The following GPATCH2 variants were observed in gnomAD, a reference collection of about 807,000 sequenced individuals.
The protein encoded by GPATCH2 is G-patch domain containing 2, also known as G patch domain-containing protein 2.
GPATCH2 carries 51 observed loss-of-function variants against 58.0 expected under a neutral mutation model. The observed-to-expected ratio is 0.88, with a 90% confidence interval of 0.70 to 1.11. GPATCH2 has a LOEUF of 1.11. Ranked by LOEUF, GPATCH2 falls within the 50% of genes most tolerant of loss-of-function variation. GPATCH2 has a pLI of 0.00. For missense variants in GPATCH2, 625 were observed against 652.2 expected, an observed-to-expected ratio of 0.96 and a Z score of 0.45; for synonymous variants, 222 against 218.5, an observed-to-expected ratio of 1.02 and a Z score of -0.14.
chr1:217,438,141 G>C (rs1490989061), intron 9 of GPATCH2, among the ~76,000 whole-genome samples: 2 of 152,106 alleles, frequency 1.3e-5, no homozygotes, highest in Non-Finnish European at 2.9e-5. Context: ...TGCAGCAGAG[G>C]GACCTGTTAG....
At chr1:217,566,374 C>T (rs1332936352) in intron 5 of GPATCH2, among the ~76,000 whole-genome samples, 1 of 152,170 alleles carries the variant, frequency 6.6e-6, no homozygotes, top group Non-Finnish European at 1.5e-5. Context: ...GAAGGGTAAA[C>T]TCCTTAATCT....
intron 8 of GPATCH2, among the ~76,000 whole-genome samples, chr1:217,466,585 T>C (rs961326016): frequency 2.0e-5 from 3 of 152,030 alleles, no homozygotes; most frequent in Non-Finnish European, 1.5e-5. Context: ...GACTGTCTTA[T>C]AGATACGAAC....
At chr1:217,449,418 A>C (rs1659554990) in intron 8 of GPATCH2, 81 bp from the exon 9 acceptor site, 2 of 831,112 alleles carry the variant, frequency 2.4e-6, no homozygotes, top group African/African-American at 3.4e-5. Context: ...ATCTGAACCT[A>C]AATCAAAACG....
chr1:217,630,861 C>A, intron 1 of GPATCH2, 55 bp downstream of exon 1: 1 of 1,342,846 alleles, frequency 7.4e-7, no homozygotes. Flanking sequence ...GCGGAGCGGC[C>A]TCGGGCAATC....
At chr1:217,615,427 C>T (rs1025396785) in intron 2 of GPATCH2, among the ~76,000 whole-genome samples, 2 of 152,018 alleles carry the variant, frequency 1.3e-5, no homozygotes, top group African/African-American at 4.8e-5. Context: ...CTAAGAGCAT[C>T]ACAACCAAAT....
intron 5 of GPATCH2, among the ~76,000 whole-genome samples, chr1:217,566,101 C>CAAAAAAAAAAA (rs59608962): frequency 4.2e-5 from 2 of 47,242 alleles, no homozygotes; most frequent in African/African-American, 1.2e-4. Flanking sequence ...AACTCCGTCT[C>CAAAAAAAAAAA]AAAAAAAAAA....
At chr1:217,564,389 C>T (rs1666101639) in intron 5 of GPATCH2, among the ~76,000 whole-genome samples, 1 of 152,192 alleles carries the variant, frequency 6.6e-6, no homozygotes, top group Admixed American at 6.5e-5. Context: ...GGCAACACTA[C>T]TGTAGCAACA....
At chr1:217,523,038 T>C (rs1022804731) in intron 5 of GPATCH2, among the ~76,000 whole-genome samples, 2 of 151,882 alleles carry the variant, frequency 1.3e-5, no homozygotes, top group Non-Finnish European at 2.9e-5. Flanking sequence ...AAAATTTCTA[T>C]ATTATTGCTC....
chr1:217,620,849 C>T (rs937865525), intron 1 of GPATCH2, among the ~76,000 whole-genome samples: 2 of 152,178 alleles, frequency 1.3e-5, no homozygotes, highest in African/African-American at 4.8e-5. Flanking sequence ...AGTTTTCCTA[C>T]AGCAGATACA....
At chr1:217,444,671 A>T (rs1332229899) in intron 9 of GPATCH2, among the ~76,000 whole-genome samples, 3 of 152,204 alleles carry the variant, frequency 2.0e-5, no homozygotes, top group Admixed American at 6.5e-5. Flanking sequence ...GAAGAATTGC[A>T]TATATCCTAG....
At chr1:217,472,490 G>C (rs1280897744) in intron 8 of GPATCH2, among the ~76,000 whole-genome samples, 1 of 151,924 alleles carries the variant, frequency 6.6e-6, no homozygotes, top group African/African-American at 2.4e-5. Flanking sequence ...TTTTAATAGA[G>C]ACGGGGTTTC....
intron 5 of GPATCH2, among the ~76,000 whole-genome samples, chr1:217,517,833 A>T (rs1326514119): frequency 6.6e-6 from 1 of 152,134 alleles, no homozygotes; most frequent in East Asian, 1.9e-4. Flanking sequence ...TTCACATAGT[A>T]AAGTTTATTA....
At chr1:217,625,534 G>A (rs1385167262) in intron 1 of GPATCH2, among the ~76,000 whole-genome samples, 2 of 152,170 alleles carry the variant, frequency 1.3e-5, no homozygotes, top group East Asian at 3.9e-4. Flanking sequence ...GCTTTTTGAA[G>A]CCTCTGTTAC....
At chr1:217,472,948 G>A (rs772898525) in intron 8 of GPATCH2, among the ~76,000 whole-genome samples, 1 of 152,120 alleles carries the variant, frequency 6.6e-6, no homozygotes, top group African/African-American at 2.4e-5. Flanking sequence ...AGCACAGCAA[G>A]TTCTTTCACC....
At chr1:217,564,877 C>T (rs1020743339) in intron 5 of GPATCH2, among the ~76,000 whole-genome samples, 3 of 152,080 alleles carry the variant, frequency 2.0e-5, no homozygotes, top group Admixed American at 6.5e-5. Context: ...TTTTAGATAT[C>T]ATAGTCTAAA....
intron 5 of GPATCH2, among the ~76,000 whole-genome samples, chr1:217,587,183 T>C (rs1667379448): frequency 6.6e-6 from 1 of 152,172 alleles, no homozygotes; most frequent in African/African-American, 2.4e-5. Context: ...CCCAACAGCA[T>C]TTCCAAATGA....
At chr1:217,540,231 A>G (rs899309668) in intron 5 of GPATCH2, among the ~76,000 whole-genome samples, 1 of 152,140 alleles carries the variant, frequency 6.6e-6, no homozygotes, top group Non-Finnish European at 1.5e-5. Flanking sequence ...GAAAGGAAGG[A>G]GGGAGGGAGG....
In GPATCH2 at chr1:217,598,446, A is replaced by AT. The variant is rs1177024137; in HGVS notation, c.1098+11874_1098+11875insA. On this transcript the variant is annotated intron_variant, in intron 5 of 9. Coordinates refer to ENST00000366935, the MANE Select transcript of GPATCH2 (RefSeq NM_018040.5). ...TACCCGGTAAATAACCATCAACATT[A>AT]AAAAAAATTTTTTTTTTTTTGAGAC... Among the ~76,000 whole-genome samples, 15 of 113,928 alleles carry AT rather than the reference A, an allele frequency of 1.3e-4. 1 individual carries two copies. The highest frequency in any genetic ancestry group is 4.2e-4 in the African/African-American group (15 of 35,320). The allele number at this position is 113,928 out of a possible 152,430, so 74.7% of individuals were successfully genotyped here. A position where few individuals can be genotyped will look rare whatever the true frequency, so the allele number is the denominator to read the frequency against.
intron 1 of GPATCH2, among the ~76,000 whole-genome samples, chr1:217,621,679 ATAGTCTCT>A (rs1669195131): frequency 2.6e-5 from 4 of 152,366 alleles, no homozygotes; most frequent in African/African-American, 9.6e-5. Context: ...CATAGTCTAT[ATAGTCTCT>A]ACAATCATGT....
Sources: allele counts gnomAD v4.1 joint callset (sites outside exome capture counted in the v4.1 genomes callset), GRCh38; gene constraint gnomAD v4.1.1; transcripts MANE v1.5; gene names NCBI Gene and HGNC (gene_info 2026-07-23, HGNC 2026-07-21).